FKBP14: variants seen among roughly 807,000 people sequenced by gnomAD.
FKBP14 encodes peptidyl-prolyl cis-trans isomerase FKBP14.
FKBP14 carries 20 observed loss-of-function variants against 21.6 expected under a neutral mutation model. That is an observed-to-expected ratio of 0.92 (90% confidence interval 0.65 to 1.34). The LOEUF is 1.34. FKBP14 is among the 40% of genes most tolerant of loss of function. FKBP14 has a pLI of 0.00. For synonymous variants in FKBP14, 79 were observed against 86.7 expected, an observed-to-expected ratio of 0.91 and a Z score of 0.49; for missense variants, 253 against 249.0, an observed-to-expected ratio of 1.02 and a Z score of -0.11.
At chr7:30,021,482 A>AT (rs1357444332) in intron 2 of FKBP14, among the ~76,000 whole-genome samples, 1 of 151,862 alleles carries the variant, frequency 6.6e-6, no homozygotes, top group Non-Finnish European at 1.5e-5. Flanking sequence ...CTGTTCACAA[A>AT]TTTTTTTCCT....
intron 1 of FKBP14, 73 bp downstream of exon 1, chr7:30,026,239 T>C (rs1790167395): frequency 2.8e-6 from 4 of 1,419,276 alleles, no homozygotes; most frequent in Admixed American, 2.2e-5. Flanking sequence ...ACAGGCCACC[T>C]TTCCTGCTGG....
chr7:30,021,548 A>C, intron 2 of FKBP14, among the ~76,000 whole-genome samples: 1 of 149,858 alleles, frequency 6.7e-6, no homozygotes, highest in African/African-American at 2.4e-5. Flanking sequence ...GCATATAGAC[A>C]TCTTCAGACC....
At chr7:30,021,772 C>G (rs1429628752) in intron 2 of FKBP14, among the ~76,000 whole-genome samples, 1 of 152,184 alleles carries the variant, frequency 6.6e-6, no homozygotes, top group East Asian at 1.9e-4. Context: ...CCACGTCGGT[C>G]TCAAACTCCT....
At chr7:30,021,847 G>T (rs1395679403) in intron 2 of FKBP14, among the ~76,000 whole-genome samples, 1 of 152,154 alleles carries the variant, frequency 6.6e-6, no homozygotes. Flanking sequence ...GAGCCACCAT[G>T]CCTGGCCCAG....
chr7:30,006,424 G>T, downstream of FKBP14, among the ~76,000 whole-genome samples: 1 of 151,876 alleles, frequency 6.6e-6, no homozygotes, highest in African/African-American at 2.4e-5. Flanking sequence ...ACCATGGCTG[G>T]CTAGAAGAGT....
rs1789803026 is a variant in FKBP14 at position 30,013,627 on chromosome 7, A to T, written c.*1108T>A. On this transcript the variant is annotated 3_prime_UTR_variant, in exon 4 of 4. Transcript: ENST00000222803. ...TTATCTTATGATACAATGTTATTGTAGTATAATATACTATAGACTACCCAT... is the reference window on the plus strand; with the variant it reads ...TTATCTTATGATACAATGTTATTGTTGTATAATATACTATAGACTACCCAT... The T allele has an allele frequency of 6.6e-6, 1 of 152,210 alleles. No individual in the cohort carries two copies. Among genetic ancestry groups the T allele is most frequent in the South Asian group, 2.1e-4 (1 of 4,834 alleles). 9.4% of individuals were successfully genotyped at this position (152,210 alleles called of 1,614,324 possible).
chr7:30,015,123 C>T (rs888606188), intron 3 of FKBP14, among the ~76,000 whole-genome samples: 6 of 152,030 alleles, frequency 3.9e-5, no homozygotes, highest in Non-Finnish European at 5.9e-5. Context: ...AAATATTGCT[C>T]AAAGGCAGGG....
chr7:30,019,184 T>C (rs974562900), intron 2 of FKBP14, 61 bp from the exon 3 acceptor site: 3 of 1,507,008 alleles, frequency 2.0e-6, no homozygotes, highest in African/African-American at 1.5e-5. Flanking sequence ...TAATAGAAAA[T>C]TTATGGTAAT....
chr7:30,006,725 A>G (rs1562832771), downstream of FKBP14, among the ~76,000 whole-genome samples: 2 of 152,150 alleles, frequency 1.3e-5, no homozygotes, highest in Non-Finnish European at 2.9e-5. Context: ...ATTGCCGGGA[A>G]TAGTCCCCAA....
At chr7:30,020,735 T>C (rs1790009079) in intron 2 of FKBP14, among the ~76,000 whole-genome samples, 1 of 152,106 alleles carries the variant, frequency 6.6e-6, no homozygotes, top group African/African-American at 2.4e-5. Context: ...CGGTAGAAAG[T>C]GAAACCACAG....
downstream of FKBP14, among the ~76,000 whole-genome samples, chr7:30,010,271 A>G (rs1183750723): frequency 6.6e-6 from 1 of 152,206 alleles, no homozygotes; most frequent in African/African-American, 2.4e-5. Flanking sequence ...AACAACAGTG[A>G]TAATAACCAT....
At chr7:30,017,896 G>T (rs1166659923) in intron 3 of FKBP14, among the ~76,000 whole-genome samples, 1 of 152,030 alleles carries the variant, frequency 6.6e-6, no homozygotes, top group Non-Finnish European at 1.5e-5. Flanking sequence ...CTACTTGGGA[G>T]GCTGAGGCAG....
In FKBP14 at chr7:30,019,001, C is replaced by T; in HGVS notation, c.472G>A (p.Asp158Asn). ...DLNDDWKLSKDEVKAYLKKEF... is the reference protein window; with the variant it reads ...DLNDDWKLSKNEVKAYLKKEF... ...TAGGAAGAAGGAAAGGTCACCTCAT[C>T]TTTAGAGAGTTTCCAGTCATCATTA... The change falls in exon 3 of 4, where the codon GAT (aspartate) becomes AAT (asparagine). Residue 158 changes from aspartate (D) to asparagine (N), a missense_variant. Physicochemically the swap from Asp to Asn is conservative, Grantham distance 23. Transcript: ENST00000222803. 1 of 1,609,110 alleles carries T rather than the reference C, an allele frequency of 6.2e-7. No individual in the cohort carries two copies.
At chr7:30,022,431 T>G (rs1790055354) in intron 2 of FKBP14, 1 of 401,172 alleles carries the variant, frequency 2.5e-6, no homozygotes, top group Non-Finnish European at 4.4e-6. Flanking sequence ...GTGAACAGTA[T>G]TAATAGACCT....
chr7:30,013,783 A>G lies in FKBP14; in HGVS notation c.*952T>C, dbSNP rs562942188. The G allele has an allele frequency of 1.3e-5, 2 of 152,204 alleles. No homozygotes were observed. Among genetic ancestry groups the G allele is most frequent in the Non-Finnish European group, 2.9e-5 (2 of 68,030 alleles). 9.4% of individuals were successfully genotyped at this position (152,204 alleles called of 1,614,324 possible). On this transcript the variant is annotated 3_prime_UTR_variant, in exon 4 of 4. Transcript: ENST00000222803. ...AACTCACACATAAATGATTTGTCCTATTTATCATAATAGGCCACCAATCAC... is the reference window on the plus strand; with the variant it reads ...AACTCACACATAAATGATTTGTCCTGTTTATCATAATAGGCCACCAATCAC...
chr7:30,024,249 T>G (rs773500902), intron 1 of FKBP14, among the ~76,000 whole-genome samples: 7 of 152,158 alleles, frequency 4.6e-5, no homozygotes, highest in Non-Finnish European at 7.4e-5. Flanking sequence ...TGTAGAAAAT[T>G]TGGGAAGGCT....
chr7:30,010,260 A>G (rs1460542961), downstream of FKBP14, among the ~76,000 whole-genome samples: 2 of 152,162 alleles, frequency 1.3e-5, no homozygotes, highest in Non-Finnish European at 2.9e-5. Flanking sequence ...CCCTAAACCA[A>G]AACAACAGTG....
Position 30,015,443 on chromosome 7 carries a change from A to T in FKBP14, c.478-550T>A, listed in dbSNP as rs192928331. Among the ~76,000 whole-genome samples the T allele has an allele frequency of 7.6e-3, 1,120 of 147,630 alleles. 20 individuals carry two copies. The highest frequency in any genetic ancestry group is 0.026 in the African/African-American group (1,039 of 40,362). On this transcript the variant is annotated intron_variant, in intron 3 of 3. Coordinates refer to ENST00000222803, the MANE Select transcript of FKBP14 (RefSeq NM_017946.4). The stretch of plus-strand genomic sequence containing the variant: ...AAAAATAAAAAATTAAAAAATTAAA[A>T]ATATATATATATATATAGCTCTCTC...
chr7:30,025,905 A>G (rs189256894), intron 1 of FKBP14, among the ~76,000 whole-genome samples: 16 of 152,378 alleles, frequency 1.1e-4, no homozygotes, highest in African/African-American at 3.8e-4. Context: ...AGTCGCTGTG[A>G]AAAGTTTTAG....
Sources: gnomAD v4.1 joint callset for allele counts (sites outside exome capture counted in the v4.1 genomes callset) on GRCh38, gnomAD v4.1.1 for gene constraint, MANE v1.5 for transcripts, NCBI Gene and HGNC (gene_info 2026-07-23, HGNC 2026-07-21) for gene names.